HERC5: variants seen among roughly 807,000 people sequenced by gnomAD.
HERC5 encodes the protein E3 ISG15--protein ligase HERC5.
A neutral mutation model predicts 119.6 loss-of-function variants in HERC5; 99 were observed. The ratio of observed to expected loss-of-function variants is 0.83; its 90% confidence interval spans 0.70 to 0.98. The LOEUF (loss-of-function observed/expected upper bound fraction) is 0.98. HERC5 is among the 50% of genes least tolerant of loss of function. The probability of loss-of-function intolerance (pLI) is 0.00; values close to 1 mark genes in which losing one functional copy is unlikely to be tolerated. For synonymous variants in HERC5, 478 were observed against 445.9 expected, an observed-to-expected ratio of 1.07 and a Z score of -0.91; for missense variants, 1,267 against 1,241.3, an observed-to-expected ratio of 1.02 and a Z score of -0.31.
At chr4:88,496,167 C>G (rs1191850698) in intron 18 of HERC5, among the ~76,000 whole-genome samples, 1 of 152,104 alleles carries the variant, frequency 6.6e-6, no homozygotes, top group Admixed American at 6.5e-5. Context: ...TAGTTTTGAC[C>G]TCATGAACTC....
intron 12 of HERC5, among the ~76,000 whole-genome samples, chr4:88,478,214 C>G (rs781570267): frequency 6.6e-6 from 1 of 152,032 alleles, no homozygotes; most frequent in Non-Finnish European, 1.5e-5. Flanking sequence ...AAGTTAAATT[C>G]TAAACTTGTA....
chr4:88,505,443 A>G (rs1484264621), intron 22 of HERC5, among the ~76,000 whole-genome samples: 2 of 152,262 alleles, frequency 1.3e-5, no homozygotes, highest in African/African-American at 4.8e-5. Flanking sequence ...TCTTGCTATT[A>G]TGTGTCTTTT....
chr4:88,470,183 TAAG>T (rs1740821867), intron 9 of HERC5, among the ~76,000 whole-genome samples: 1 of 152,216 alleles, frequency 6.6e-6, no homozygotes, highest in African/African-American at 2.4e-5. Flanking sequence ...CATAAATAAT[TAAG>T]AACTGTACAA....
chr4:88,458,256 A>G (rs1740257871), intron 1 of HERC5, among the ~76,000 whole-genome samples: 1 of 151,988 alleles, frequency 6.6e-6, no homozygotes, highest in Admixed American at 6.5e-5. Flanking sequence ...CCTTTTGTGC[A>G]TGTTGTTTTT....
Position 88,463,606 on chromosome 4 carries a change from A to G in HERC5, c.763A>G (p.Ser255Gly), listed in dbSNP as rs1423209386. ...ATTTGTCGCTTGTGGTGGCTCTCAC[A>G]GTGCCCTACTCACACAGGTGGGTGT... ...VEFVACGGSH[S>G]ALLTQDGLLF... Residue 255 changes from serine (S) to glycine (G), a missense_variant, in exon 5 of 23, where the codon AGT becomes GGT. Coordinates refer to ENST00000264350, the MANE Select transcript of HERC5 (RefSeq NM_016323.4). The G allele has an allele frequency of 2.5e-6, 4 of 1,612,912 alleles. No individual in the cohort carries two copies. Among genetic ancestry groups the G allele is most frequent in the Non-Finnish European group, 3.4e-6 (4 of 1,179,454 alleles).
At chr4:88,487,467 T>A (rs1741506315) in intron 15 of HERC5, among the ~76,000 whole-genome samples, 1 of 152,190 alleles carries the variant, frequency 6.6e-6, no homozygotes, top group South Asian at 2.1e-4. Context: ...GTCTTCTGAA[T>A]AGTACTCAAA....
intron 22 of HERC5, among the ~76,000 whole-genome samples, chr4:88,505,253 C>T (rs1467370476): frequency 6.6e-6 from 1 of 152,150 alleles, no homozygotes; most frequent in Admixed American, 6.5e-5. Flanking sequence ...CCTCACCTAC[C>T]TCCTTGTTGC....
intron 13 of HERC5, 50 bp downstream of exon 13, chr4:88,479,557 CCCTT>C (rs761101932): frequency 6.9e-7 from 1 of 1,442,430 alleles, no homozygotes; most frequent in African/African-American, 1.4e-5. Context: ...TGTAAAAATT[CCCTT>C]CCTTTCAGCT....
chr4:88,480,199 CT>C (rs2149098100), intron 13 of HERC5, among the ~76,000 whole-genome samples: 1 of 152,082 alleles, frequency 6.6e-6, no homozygotes, highest in South Asian at 2.1e-4. Flanking sequence ...CTTGCTCTTA[CT>C]ATTTTAGAAC....
chr4:88,504,669 A>G, intron 22 of HERC5, 72 bp downstream of exon 22: 1 of 877,722 alleles, frequency 1.1e-6, no homozygotes, highest in East Asian at 2.8e-5. Context: ...CCTTTATGAT[A>G]AGTACCATTT....
chr4:88,500,749 A>G (rs1258795112), intron 19 of HERC5, among the ~76,000 whole-genome samples, 166 bp from the exon 20 acceptor site: 1 of 152,246 alleles, frequency 6.6e-6, no homozygotes, highest in Non-Finnish European at 1.5e-5. Context: ...TTTATTCAGT[A>G]TGATAGGGTG....
At chr4:88,467,284 G>T (rs1560600562) in intron 7 of HERC5, 80 bp downstream of exon 7, 1 of 1,401,778 alleles carries the variant, frequency 7.1e-7, no homozygotes, top group Non-Finnish European at 9.9e-7. Context: ...ATGTGGCAAA[G>T]AAAGCAACAT....
In HERC5 at chr4:88,504,328, C is replaced by T. The variant is rs750432822; in HGVS notation, c.2679C>T (p.Asp893=). 1.4e-5 allele frequency: 22 copies of T among 1,612,818 alleles called. No homozygotes were observed. The highest frequency in any genetic ancestry group is 6.7e-5 in the East Asian group (3 of 44,846). Residue 893 remains aspartate, a synonymous_variant, in exon 21 of 23, where the codon GAC becomes GAT. Coordinates refer to ENST00000264350, the MANE Select transcript of HERC5 (RefSeq NM_016323.4). The stretch of plus-strand genomic sequence containing the variant: ...GGAGAGGATTTTATAAAATGTGCGA[C>T]GAAGACATTATCAAATTATTCCACC... The part of the protein sequence containing the change: ...EFRRGFYKMC[D]EDIIKLFHPE...
At chr4:88,471,578 C>T (rs923511673) in intron 10 of HERC5, among the ~76,000 whole-genome samples, 2 of 152,088 alleles carry the variant, frequency 1.3e-5, no homozygotes, top group African/African-American at 4.8e-5. Flanking sequence ...TGGCCTCAAG[C>T]AGTCCTCCCA....
chr4:88,486,054 A>T, intron 13 of HERC5, 61 bp from the exon 14 acceptor site: 3 of 899,046 alleles, frequency 3.3e-6, no homozygotes. Context: ...TCTAATTAAC[A>T]GCTATTAAGC....
intron 18 of HERC5, among the ~76,000 whole-genome samples, chr4:88,495,938 T>G (rs967561746): frequency 6.6e-6 from 1 of 152,228 alleles, no homozygotes; most frequent in Non-Finnish European, 1.5e-5. Flanking sequence ...GGTCTTAAGA[T>G]TCTCTTAAAA....
chr4:88,458,226 G>A (rs1034972338), intron 1 of HERC5: 1 of 333,554 alleles, frequency 3.0e-6, no homozygotes, highest in Non-Finnish European at 4.3e-6. Flanking sequence ...CGTCGTACAT[G>A]TAATATTTTT....
At chr4:88,493,382 C>A (rs1375084380) in intron 17 of HERC5, among the ~76,000 whole-genome samples, 1 of 152,008 alleles carries the variant, frequency 6.6e-6, no homozygotes, top group Admixed American at 6.6e-5. Context: ...ATTTTTTGAT[C>A]ATTTATATAA....
At chr4:88,504,647 G>T in intron 22 of HERC5, 50 bp downstream of exon 22, 1 of 1,175,454 alleles carries the variant, frequency 8.5e-7, no homozygotes, top group Non-Finnish European at 1.2e-6. Context: ...CTTTTTAATG[G>T]GATAAAAATT....
Sources: gnomAD v4.1 joint callset for allele counts (sites outside exome capture counted in the v4.1 genomes callset) on GRCh38, gnomAD v4.1.1 for gene constraint, MANE v1.5 for transcripts, NCBI Gene and HGNC (gene_info 2026-07-23, HGNC 2026-07-21) for gene names.